Variants in ADARB1 observed in about 807,000 individuals in gnomAD.
ADARB1 encodes adenosine deaminase RNA specific B1.
In ADARB1, 10 loss-of-function variants were observed where a neutral mutation model predicts 52.4. The observed-to-expected ratio is 0.19, with a 90% CI of 0.12 to 0.32. ADARB1 has a LOEUF of 0.32. ADARB1 is among the 10% of genes least tolerant of loss of function. The pLI, the probability that ADARB1 is intolerant of heterozygous loss-of-function variation, is 1.00. For synonymous variants in ADARB1, 349 were observed against 371.1 expected (o/e 0.94, Z 0.68); for missense variants, 643 against 922.3 (o/e 0.70, Z 3.92).
chr21:45,209,359 C>G (rs536731878), intron 9 of ADARB1, among the ~76,000 whole-genome samples: 1 of 152,338 alleles, frequency 6.6e-6, no homozygotes, highest in East Asian at 1.9e-4. Flanking sequence ...TGCTCCTGCC[C>G]TTAACTCCAC....
intron 2 of ADARB1, among the ~76,000 whole-genome samples, chr21:45,140,730 C>A (rs1017419010): frequency 6.6e-6 from 1 of 152,102 alleles, no homozygotes; most frequent in African/African-American, 2.4e-5. Context: ...ATTTAGAGGA[C>A]CTGTGAAGCA....
chr21:45,136,495 C>T (rs779035139), intron 2 of ADARB1, among the ~76,000 whole-genome samples: 18 of 152,188 alleles, frequency 1.2e-4, no homozygotes, highest in South Asian at 4.2e-4. Flanking sequence ...TTGCTACGCC[C>T]GGCACCATGT....
intron 2 of ADARB1, among the ~76,000 whole-genome samples, chr21:45,156,060 C>CCTATCAT (rs2090577394): frequency 1.8e-5 from 2 of 112,344 alleles, no homozygotes; most frequent in African/African-American, 7.5e-5. Context: ...CCCACCATCA[C>CCTATCAT]CCATCATCCA....
At chr21:45,117,888 G>A (rs1431266642) in intron 1 of ADARB1, among the ~76,000 whole-genome samples, 1 of 152,074 alleles carries the variant, frequency 6.6e-6, no homozygotes, top group Admixed American at 6.6e-5. Flanking sequence ...CTTCTCTTAA[G>A]TTCTTCTTGT....
At chr21:45,168,684 A>G (rs1025470954) in intron 2 of ADARB1, among the ~76,000 whole-genome samples, 38 of 152,018 alleles carry the variant, frequency 2.5e-4, no homozygotes, top group Non-Finnish European at 7.4e-5. Context: ...ACTGTACCGT[A>G]CCGATGACTG....
chr21:45,204,706 C>T lies in ADARB1; in HGVS notation c.1717C>T (p.Leu573Phe). The T allele has an allele frequency of 1.2e-6, 2 of 1,612,742 alleles. No individual in the cohort carries two copies. The highest frequency in any genetic ancestry group is 4.5e-5 in the East Asian group (2 of 44,832). Residue 573 changes from leucine (L) to phenylalanine (F), a missense_variant, in exon 9 of 11, where the codon CTC (leucine) becomes TTC (phenylalanine). This residue lies in a region of ADARB1 where 263 missense variants were observed against 475.8 expected (regional missense o/e 0.55). Coordinates refer to ENST00000348831, the MANE Select transcript of ADARB1 (RefSeq NM_001112.4). The surrounding 1 kb of genome is among the most constrained non-coding windows in gnomAD (Gnocchi z 4.4). The part of the protein sequence containing the change: ...RISNIEDLPP[L>F]YTLNKPLLSG... ...CTCCAACATAGAGGACCTGCCACCT[C>T]TCTACACCCTCAACAAGCCTTTGCT...
intron 1 of ADARB1, among the ~76,000 whole-genome samples, chr21:45,078,480 A>G (rs1303310051): frequency 6.6e-6 from 1 of 152,202 alleles, no homozygotes; most frequent in Non-Finnish European, 1.5e-5. Context: ...CAAATGAGGC[A>G]GGGTAGGTGA....
At chr21:45,101,711 A>G (rs1254883322) in intron 1 of ADARB1, among the ~76,000 whole-genome samples, 1 of 152,172 alleles carries the variant, frequency 6.6e-6, no homozygotes, top group Non-Finnish European at 1.5e-5. Flanking sequence ...TTTTCTGGAT[A>G]GTGTATACTT....
chr21:45,219,590 A>C (rs1047503641), intron 9 of ADARB1, among the ~76,000 whole-genome samples: 2 of 152,318 alleles, frequency 1.3e-5, no homozygotes, highest in East Asian at 3.9e-4. Flanking sequence ...TTAGTAACTG[A>C]AGAAAAATTC....
Position 45,138,925 on chromosome 21 carries a change from T to C in ADARB1, c.-48+10352T>C, listed in dbSNP as rs201372575. ...ACCTCTGTCAGTTTGTTGTCTTCTTTTTTTTTTTTTTTTAAGACAGAGTCT... is the reference window on the plus strand; with the variant it reads ...ACCTCTGTCAGTTTGTTGTCTTCTTCTTTTTTTTTTTTTAAGACAGAGTCT... On this transcript the variant is annotated intron_variant, in intron 2 of 10. Coordinates refer to ENST00000348831, the MANE Select transcript of ADARB1 (RefSeq NM_001112.4). Among the ~76,000 whole-genome samples the C allele has an allele frequency of 9.4e-3, 1,408 of 150,138 alleles. 13 individuals carry two copies. The highest frequency in any genetic ancestry group is 0.033 in the African/African-American group (1,340 of 41,188).
intron 1 of ADARB1, among the ~76,000 whole-genome samples, chr21:45,089,264 A>G (rs528607089): frequency 1.3e-4 from 20 of 152,354 alleles, no homozygotes; most frequent in East Asian, 9.6e-4. Context: ...GGAGAAGGAC[A>G]TAGGGGAATT....
At chr21:45,124,777 GTGTGTGTGTA>G (rs1446770447) in intron 1 of ADARB1, among the ~76,000 whole-genome samples, 62 of 128,966 alleles carry the variant, frequency 4.8e-4, no homozygotes, top group African/African-American at 1.7e-3. Context: ...GTGTGTGTGT[GTGTGTGTGTA>G]TGTGTGTGTG....
At position 45,141,639 on chromosome 21, in the gene ADARB1, G is replaced by A. The variant is rs566090389; in HGVS notation, c.-48+13066G>A. ...TACCTGTGGGCCACCTTCACCACCC[G>A]TGGGTCCCTCCAGCCACCCCAGGGA... On this transcript the variant is annotated intron_variant, in intron 2 of 10. Coordinates refer to ENST00000348831, the MANE Select transcript of ADARB1 (RefSeq NM_001112.4). 2.6e-4 allele frequency among the ~76,000 whole-genome samples: 39 copies of A among 152,114 alleles called. No individual in the cohort carries two copies. In the South Asian group the frequency reaches 2.7e-3, roughly 11 times the overall value.
rs551356326 is a variant in ADARB1, at chr21:45,126,699, A to G, written c.-219-1703A>G. Among the ~76,000 whole-genome samples the G allele has an allele frequency of 7.9e-5, 12 of 152,278 alleles. No individual in the cohort carries two copies. The East Asian group carries it at 2.1e-3, about 27-fold the overall frequency. On this transcript the variant is annotated intron_variant, in intron 1 of 10. Transcript: ENST00000348831. ...CCATGCTTTTCCTGAAACCCCTTGC[A>G]ATACTCCTGGCAAGTATGGCAGTTT...
chr21:45,175,693 C>T (rs756763995), intron 3 of ADARB1, 37 bp from the exon 4 acceptor site: 28 of 1,602,544 alleles, frequency 1.7e-5, no homozygotes, highest in African/African-American at 1.1e-4. Context: ...GATCCTGCAA[C>T]GAAGGCATTG....
At position 45,176,583 on chromosome 21, in the gene ADARB1, C is replaced by A; in HGVS notation, c.882C>A (p.Ala294=). The part of the protein sequence containing the change: ...AKARAAQSAL[A]AIFNLHLDQT... Reference sequence around the variant, plus strand: ...CCCGGGCTGCGCAGTCTGCCCTGGCCGCCATTTTTAACTTGCACTTGGATC... The same window carrying A: ...CCCGGGCTGCGCAGTCTGCCCTGGCAGCCATTTTTAACTTGCACTTGGATC... The change falls in exon 4 of 11, where the codon GCC becomes GCA. Residue 294 remains alanine, a synonymous_variant. Coordinates refer to ENST00000348831, the MANE Select transcript of ADARB1 (RefSeq NM_001112.4). This position sits in a 1 kb window ranked among gnomAD's most constrained non-coding sequence, Gnocchi z 5.8. 2 of 1,614,168 alleles carry A rather than the reference C, an allele frequency of 1.2e-6. No homozygotes were observed. Among genetic ancestry groups the A allele is most frequent in the Non-Finnish European group, 1.7e-6 (2 of 1,180,028 alleles).
At chr21:45,150,147 C>T (rs1006802336) in intron 2 of ADARB1, among the ~76,000 whole-genome samples, 3 of 152,146 alleles carry the variant, frequency 2.0e-5, no homozygotes, top group African/African-American at 7.2e-5. Flanking sequence ...ATTAGCCAGA[C>T]GTGGTGGCGC....
intron 2 of ADARB1, among the ~76,000 whole-genome samples, chr21:45,149,965 C>G (rs2090201157): frequency 1.3e-5 from 2 of 152,192 alleles, no homozygotes; most frequent in Non-Finnish European, 2.9e-5. Flanking sequence ...TTTGCTACCA[C>G]TTGATCTAAA....
chr21:45,210,963 G>A (rs1387783436), intron 9 of ADARB1, among the ~76,000 whole-genome samples: 1 of 152,250 alleles, frequency 6.6e-6, no homozygotes, highest in Non-Finnish European at 1.5e-5. Flanking sequence ...ACAGCTCTGA[G>A]GCTCCTTCCA....
Sources: gnomAD v4.1 joint callset for allele counts (sites outside exome capture counted in the v4.1 genomes callset) on GRCh38, gnomAD v4.1.1 for gene constraint, gnomAD v4.1.1 regional missense constraint, Gnocchi (gnomAD v3.1) non-coding constraint, MANE v1.5 for transcripts, NCBI Gene and HGNC (gene_info 2026-07-23, HGNC 2026-07-21) for gene names.